Variants in COL4A1 observed in about 807,000 individuals in gnomAD.
COL4A1 encodes the protein collagen type IV alpha 1 chain, also known as collagen alpha-1(IV) chain.
A neutral mutation model predicts 216.6 loss-of-function variants in COL4A1; 40 were observed. The observed-to-expected ratio is 0.18, with a 90% CI of 0.14 to 0.24. COL4A1 has a LOEUF of 0.24. Among genes scored for constraint, COL4A1 ranks in the 10% least tolerant of loss-of-function variants. The pLI is 1.00. For missense variants in COL4A1, 1,628 were observed against 2,196.8 expected, an observed-to-expected ratio of 0.74 and a Z score of 5.18; for synonymous variants, 839 against 810.7, an observed-to-expected ratio of 1.03 and a Z score of -0.59.
In COL4A1 at chr13:110,186,637, C is replaced by A; in HGVS notation, c.1729-84G>T. 3 of 1,532,394 alleles carry A rather than the reference C, an allele frequency of 2.0e-6. No individual in the cohort carries two copies. In the South Asian group the frequency reaches 3.5e-5, roughly 18 times the overall value. 94.9% of individuals were successfully genotyped at this position (1,532,394 alleles called of 1,614,324 possible). ...ATCGCATTCTTCTGACATTTGTGGTCAATAAGTACTAGAGTTAACTGGCTC... is the reference window on the plus strand; with the variant it reads ...ATCGCATTCTTCTGACATTTGTGGTAAATAAGTACTAGAGTTAACTGGCTC... On this transcript the variant is annotated intron_variant, in intron 25 of 51. Coordinates refer to ENST00000375820, the MANE Select transcript of COL4A1 (RefSeq NM_001845.6).
At position 110,177,588 on chromosome 13, in the gene COL4A1, G is replaced by A. The variant is rs142084347; in HGVS notation, c.2716+254C>T. 3.1e-3 allele frequency among the ~76,000 whole-genome samples: 471 copies of A among 152,216 alleles called. 1 individual carries two copies. Among genetic ancestry groups the A allele is most frequent in the Middle Eastern group, 6.8e-3 (2 of 294 alleles). ...AAGATTCCACCATTTCTCACAAGAAGAATCTCATCTGTGCCAAGAAGGAAA... is the reference window on the plus strand; with the variant it reads ...AAGATTCCACCATTTCTCACAAGAAAAATCTCATCTGTGCCAAGAAGGAAA... On this transcript the variant is annotated intron_variant, in intron 33 of 51. Coordinates refer to ENST00000375820, the MANE Select transcript of COL4A1 (RefSeq NM_001845.6).
At position 110,176,599 on chromosome 13, in the gene COL4A1, A is replaced by T. The variant is rs548045034; in HGVS notation, c.2968+27T>A. On this transcript the variant is annotated intron_variant, in intron 35 of 51. Coordinates refer to ENST00000375820, the MANE Select transcript of COL4A1 (RefSeq NM_001845.6). Reference sequence around the variant, plus strand: ...AGGCCTCATCCTGAGCCCTTGCCACACTGGGGACCGGAGCTCCACACTGTA... The same window carrying T: ...AGGCCTCATCCTGAGCCCTTGCCACTCTGGGGACCGGAGCTCCACACTGTA... 2.5e-6 allele frequency: 4 copies of T among 1,607,264 alleles called. No individual in the cohort carries two copies. In the Admixed American group the frequency reaches 6.7e-5, roughly 27 times the overall value.
intron 1 of COL4A1, among the ~76,000 whole-genome samples, chr13:110,292,103 C>T (rs763961754): frequency 1.3e-5 from 2 of 152,212 alleles, no homozygotes; most frequent in Non-Finnish European, 2.9e-5. Flanking sequence ...CTGCATCCTG[C>T]CTGCCGCTGA....
At chr13:110,291,798 T>C (rs1264268629) in intron 1 of COL4A1, among the ~76,000 whole-genome samples, 1 of 152,216 alleles carries the variant, frequency 6.6e-6, no homozygotes, top group Non-Finnish European at 1.5e-5. Context: ...AGTTCCACCA[T>C]CTGCAGATGA....
chr13:110,279,258 A>G (rs1883534655), intron 1 of COL4A1, among the ~76,000 whole-genome samples: 1 of 152,108 alleles, frequency 6.6e-6, no homozygotes, highest in Admixed American at 6.6e-5. Flanking sequence ...TGACACATAC[A>G]TATCAATAAT....
At position 110,258,885 on chromosome 13, in the gene COL4A1, T is replaced by C. The variant is rs140785334; in HGVS notation, c.85-16151A>G. On this transcript the variant is annotated intron_variant, in intron 1 of 51. Coordinates refer to ENST00000375820, the MANE Select transcript of COL4A1 (RefSeq NM_001845.6). ...TTAATATTAGATGTCTTTCATTGCA[T>C]TTCATAGCATTAAAAGTGGAAAATA... Among the ~76,000 whole-genome samples, 633 of 152,384 alleles carry C rather than the reference T, an allele frequency of 4.2e-3. 7 individuals carry two copies. Among genetic ancestry groups the C allele is most frequent in the African/African-American group, 0.014 (589 of 41,590 alleles).
intron 43 of COL4A1, among the ~76,000 whole-genome samples, chr13:110,169,244 T>A (rs929153066): frequency 3.3e-5 from 5 of 152,222 alleles, no homozygotes; most frequent in African/African-American, 9.6e-5. Flanking sequence ...TCCTAAGAGA[T>A]GGCTGGGCTA....
chr13:110,165,127 G>A, intron 45 of COL4A1, 137 bp from the exon 46 acceptor site: 3 of 1,306,870 alleles, frequency 2.3e-6, no homozygotes, highest in Non-Finnish European at 3.1e-6. Flanking sequence ...CAAAACCCAG[G>A]TAATCAGATC....
intron 1 of COL4A1, among the ~76,000 whole-genome samples, chr13:110,306,723 A>C (rs1384914557): frequency 6.6e-6 from 1 of 151,688 alleles, no homozygotes; most frequent in Non-Finnish European, 1.5e-5. Context: ...GAATTCCTTA[A>C]CTCTCCAGTA....
chr13:110,232,307 C>T (rs956203480), intron 2 of COL4A1, among the ~76,000 whole-genome samples: 3 of 152,378 alleles, frequency 2.0e-5, no homozygotes, highest in Admixed American at 6.5e-5. Context: ...CTGACTAATT[C>T]TTCCTTTGTT....
At chr13:110,167,100 C>T (rs1877380112) in intron 44 of COL4A1, 58 bp downstream of exon 44, 25 of 1,434,180 alleles carry the variant, frequency 1.7e-5, no homozygotes, top group Non-Finnish European at 2.4e-5. Flanking sequence ...GGTTAGCAAG[C>T]TCTTCACACA....
intron 2 of COL4A1, among the ~76,000 whole-genome samples, chr13:110,227,069 T>A: frequency 6.6e-6 from 1 of 152,308 alleles, no homozygotes; most frequent in Middle Eastern, 3.4e-3. Context: ...ATTTAAAAAT[T>A]TCTATCAGTA....
intron 1 of COL4A1, among the ~76,000 whole-genome samples, chr13:110,284,577 A>G (rs1002714577): frequency 6.6e-6 from 1 of 152,240 alleles, no homozygotes; most frequent in African/African-American, 2.4e-5. Flanking sequence ...TGCAAAACAC[A>G]TGGAGAAGTA....
At chr13:110,289,530 G>A (rs980912383) in intron 1 of COL4A1, among the ~76,000 whole-genome samples, 4 of 152,100 alleles carry the variant, frequency 2.6e-5, no homozygotes, top group African/African-American at 9.7e-5. Flanking sequence ...TGAGTTCACC[G>A]ATTTCTTGGT....
chr13:110,274,793 T>C (rs1021831513), intron 1 of COL4A1, among the ~76,000 whole-genome samples: 1 of 152,180 alleles, frequency 6.6e-6, no homozygotes, highest in African/African-American at 2.4e-5. Flanking sequence ...CTCCCTGTCA[T>C]GTAGAACAGA....
intron 28 of COL4A1, 109 bp from the exon 29 acceptor site, chr13:110,181,498 G>C: frequency 1.7e-6 from 2 of 1,163,946 alleles, no homozygotes; most frequent in East Asian, 2.6e-5. Context: ...GACCTGATCT[G>C]AGAAGGTCAA....
intron 2 of COL4A1, among the ~76,000 whole-genome samples, chr13:110,236,879 G>C (rs961715257): frequency 4.6e-5 from 7 of 152,168 alleles, no homozygotes; most frequent in Admixed American, 4.6e-4. Context: ...TGATGGGCTG[G>C]GCACCCCTAA....
Position 110,172,748 on chromosome 13 carries a change from T to C in COL4A1, c.3528A>G (p.Pro1176=), listed in dbSNP as rs1384869243. ...TGTCTCCTTTGGCCCCTGGAAACCC[T>C]GGGAATCCTCTTCCTGGTAGACCTA... ...GEPGLPGRGF[P]GFPGAKGDKG... is the part of the protein sequence containing the mutation. Residue 1176 remains proline, a synonymous_variant, in exon 41 of 52, where the codon CCA becomes CCG. Coordinates refer to ENST00000375820, the MANE Select transcript of COL4A1 (RefSeq NM_001845.6). 6.2e-7 allele frequency: 1 copy of C among 1,614,102 alleles called. No homozygotes were observed. The highest frequency in any genetic ancestry group is 1.7e-5 in the Admixed American group (1 of 60,030).
At chr13:110,201,137 G>C (rs189049039) in intron 19 of COL4A1, among the ~76,000 whole-genome samples, 164 of 152,130 alleles carry the variant, frequency 1.1e-3, no homozygotes, top group Non-Finnish European at 2.0e-3. Flanking sequence ...CCTGGTCACA[G>C]ACAGTCCTGC....
Sources: allele counts gnomAD v4.1 joint callset (sites outside exome capture counted in the v4.1 genomes callset), GRCh38; gene constraint gnomAD v4.1.1; transcripts MANE v1.5; gene names NCBI Gene and HGNC (gene_info 2026-07-23, HGNC 2026-07-21).